The following PRKAR1B variants were observed in gnomAD, a reference collection of about 807,000 sequenced individuals.
The protein encoded by PRKAR1B is cAMP-dependent protein kinase type I-beta regulatory subunit.
In PRKAR1B, 22 loss-of-function variants were observed where a neutral mutation model predicts 46.5. The ratio of observed to expected loss-of-function variants is 0.47; its 90% CI spans 0.34 to 0.68. PRKAR1B has a LOEUF of 0.68. Among genes scored for constraint, PRKAR1B ranks in the 30% least tolerant of loss-of-function variants. The pLI is 0.01. For synonymous variants in PRKAR1B, 259 were observed against 217.7 expected, an observed-to-expected ratio of 1.19 and a Z score of -1.67; for missense variants, 445 against 535.6, an observed-to-expected ratio of 0.83 and a Z score of 1.67.
At chr7:693,230 CTGTCGAGCT>C (rs1440335180) in intron 2 of PRKAR1B, among the ~76,000 whole-genome samples, 1 of 149,902 alleles carries the variant, frequency 6.7e-6, no homozygotes, top group Non-Finnish European at 1.5e-5. Flanking sequence ...CCAGTGGGTC[CTGTCGAGCT>C]TTTTTTTTTT....
chr7:669,769 A>G (rs984273378), intron 4 of PRKAR1B, among the ~76,000 whole-genome samples: 1 of 151,694 alleles, frequency 6.6e-6, no homozygotes, highest in African/African-American at 2.4e-5. Context: ...ATCTCAAAAA[A>G]AAAGAAAAGG....
intron 4 of PRKAR1B, among the ~76,000 whole-genome samples, chr7:624,437 G>GAAAA (rs113289360): frequency 6.9e-6 from 1 of 144,076 alleles, no homozygotes; most frequent in Admixed American, 6.9e-5. Flanking sequence ...ATCTCAAAAA[G>GAAAA]AAAAAAAAAA....
intron 6 of PRKAR1B, among the ~76,000 whole-genome samples, chr7:601,890 C>T (rs568150319): frequency 2.3e-4 from 25 of 109,130 alleles, no homozygotes; most frequent in African/African-American, 8.1e-4. Context: ...CCCGGGGGGG[C>T]TGGGGAGGGG....
At chr7:643,426 A>C (rs541303183) in intron 4 of PRKAR1B, among the ~76,000 whole-genome samples, 2 of 151,526 alleles carry the variant, frequency 1.3e-5, no homozygotes, top group Admixed American at 6.6e-5. Context: ...CTCACTCATA[A>C]AAAGTCATAG....
At chr7:621,005 T>G (rs1783081720) in intron 4 of PRKAR1B, among the ~76,000 whole-genome samples, 1 of 152,250 alleles carries the variant, frequency 6.6e-6, no homozygotes, top group Non-Finnish European at 1.5e-5. Context: ...GTCAAAACCT[T>G]TTCCAACACC....
At chr7:650,188 C>T (rs906567900) in intron 4 of PRKAR1B, among the ~76,000 whole-genome samples, 4 of 152,080 alleles carry the variant, frequency 2.6e-5, no homozygotes, top group South Asian at 2.1e-4. Context: ...GCAGGCAGGA[C>T]CCAGGTGTGT....
At chr7:596,611 T>A (rs1781279324) in intron 6 of PRKAR1B, among the ~76,000 whole-genome samples, 1 of 152,208 alleles carries the variant, frequency 6.6e-6, no homozygotes, top group South Asian at 2.1e-4. Context: ...GCCCCCGCTC[T>A]GCGGCACAGC....
chr7:642,711 C>T (rs1256855535), intron 4 of PRKAR1B, among the ~76,000 whole-genome samples: 7 of 145,626 alleles, frequency 4.8e-5, no homozygotes, highest in African/African-American at 7.7e-5. Flanking sequence ...CCAGCCTGGG[C>T]GACAGAGCGA....
At chr7:592,120 C>G (rs993502589) in intron 7 of PRKAR1B, among the ~76,000 whole-genome samples, 3 of 151,924 alleles carry the variant, frequency 2.0e-5, no homozygotes, top group African/African-American at 7.3e-5. Flanking sequence ...CGGCTCTGAT[C>G]CCCCCATGGA....
At chr7:586,409 C>G (rs80150027) in intron 7 of PRKAR1B, among the ~76,000 whole-genome samples, 1,647 of 152,324 alleles carry the variant, frequency 0.011, 74 homozygotes, top group Admixed American at 0.082. Flanking sequence ...TTTGCAAAGC[C>G]AGGTTGTAAA....
rs1255672005 is a variant in PRKAR1B, at chr7:579,385, G to C, written c.770-8C>G. On this transcript the variant is annotated splice_region_variant and splice_polypyrimidine_tract_variant and intron_variant, in intron 8 of 10. Transcript: ENST00000537384. The stretch of plus-strand genomic sequence containing the variant: ...CCCACTTCTCCAGGGACTCTGTCGG[G>C]GGAGGATGAGGACAGGTCATCCCGG... 3.7e-6 allele frequency: 6 copies of C among 1,613,002 alleles called. No homozygotes were observed. Among genetic ancestry groups the C allele is most frequent in the Non-Finnish European group, 5.1e-6 (6 of 1,180,036 alleles).
At position 685,353 on chromosome 7, in the gene PRKAR1B, CAT is replaced by C. The variant is rs1357512520; in HGVS notation, c.178-4629_178-4628del. Among the ~76,000 whole-genome samples, 210 of 48,930 alleles carry C rather than the reference CAT, an allele frequency of 4.3e-3. 43 individuals carry two copies. Among genetic ancestry groups the C allele is most frequent in the African/African-American group, 0.018 (199 of 11,306 alleles). 32.1% of individuals were successfully genotyped at this position (48,930 alleles called of 152,430 possible). A position where few individuals can be genotyped will look rare whatever the true frequency, so the allele number is the denominator to read the frequency against. On this transcript the variant is annotated intron_variant, in intron 2 of 10. Coordinates refer to ENST00000537384, the MANE Select transcript of PRKAR1B (RefSeq NM_001164760.2). ...GTATATATACGTATATATATGTATACATATATATATACACATATATATATATA... is the reference window on the plus strand; with the variant it reads ...GTATATATACGTATATATATGTATACATATATATACACATATATATATATA...
At chr7:624,547 A>C (rs1401453232) in intron 4 of PRKAR1B, among the ~76,000 whole-genome samples, 1 of 152,244 alleles carries the variant, frequency 6.6e-6, no homozygotes, top group Non-Finnish European at 1.5e-5. Flanking sequence ...TGTTTATCAC[A>C]GAGCTGCTTG....
chr7:572,880 T>A (rs1779604819), intron 9 of PRKAR1B, among the ~76,000 whole-genome samples: 1 of 152,148 alleles, frequency 6.6e-6, no homozygotes, highest in Non-Finnish European at 1.5e-5. Flanking sequence ...GGAGGAAGAA[T>A]GACAGTGAGC....
intron 2 of PRKAR1B, among the ~76,000 whole-genome samples, chr7:686,188 C>G (rs1779086332): frequency 6.6e-6 from 1 of 152,016 alleles, no homozygotes; most frequent in Non-Finnish European, 1.5e-5. Context: ...GTAGTCCCAG[C>G]TACTCGGGAG....
rs1317199306 is a variant in PRKAR1B, at chr7:667,080, A to G, written c.440+10149T>C. ...GACAGTGATGATGGTGATGGTGGGG[A>G]TGGTGATGATGATGGTGGTGATAAC... On this transcript the variant is annotated intron_variant, in intron 4 of 10. Transcript: ENST00000537384. The surrounding 1 kb of genome is among the most constrained non-coding windows in gnomAD (Gnocchi z 4.3). Among the ~76,000 whole-genome samples the G allele has an allele frequency of 6.9e-6, 1 of 145,826 alleles. No individual in the cohort carries two copies.
rs939658306 is a variant in PRKAR1B, at chr7:691,452, C to T, written c.178-10726G>A. Reference sequence around the variant, plus strand: ...GGCTTTGATGGAGAGGGAGTGCCTCCACTCCCACGGATGAAGATGCAGGCA... The same window carrying T: ...GGCTTTGATGGAGAGGGAGTGCCTCTACTCCCACGGATGAAGATGCAGGCA... On this transcript the variant is annotated intron_variant, in intron 2 of 10. Coordinates refer to ENST00000537384, the MANE Select transcript of PRKAR1B (RefSeq NM_001164760.2). 9 of 1,292,450 alleles carry T rather than the reference C, an allele frequency of 7.0e-6. No individual in the cohort carries two copies. The Admixed American group carries it at 1.4e-4, about 20-fold the overall frequency. 80.1% of individuals were successfully genotyped at this position (1,292,450 alleles called of 1,614,324 possible).
At chr7:568,554 T>G (rs961762351) in intron 9 of PRKAR1B, among the ~76,000 whole-genome samples, 1 of 152,082 alleles carries the variant, frequency 6.6e-6, no homozygotes, top group Non-Finnish European at 1.5e-5. Flanking sequence ...CTCAACATCA[T>G]CAGAAGGTCT....
At chr7:728,678 C>T (rs1396243780), upstream of PRKAR1B, among the ~76,000 whole-genome samples, 3 of 152,222 alleles carry the variant, frequency 2.0e-5, no homozygotes, top group Non-Finnish European at 4.4e-5. Context: ...CTCCCTGGAC[C>T]GTAGGTTCCA....
Sources: allele counts gnomAD v4.1 joint callset (sites outside exome capture counted in the v4.1 genomes callset), GRCh38; gene constraint gnomAD v4.1.1; non-coding constraint Gnocchi (gnomAD v3.1); transcripts MANE v1.5; gene names NCBI Gene and HGNC (gene_info 2026-07-23, HGNC 2026-07-21).